The following MCTP1 variants were observed in gnomAD, a reference collection of about 807,000 sequenced individuals.
MCTP1 encodes the protein multiple C2 and transmembrane domain-containing protein 1.
A neutral mutation model predicts 120.6 loss-of-function variants in MCTP1; 69 were observed. The observed-to-expected ratio is 0.57, with a 90% CI of 0.47 to 0.70. MCTP1 has a LOEUF of 0.70. Ranked by LOEUF, MCTP1 falls within the 30% of genes least tolerant of loss-of-function variation. The probability of loss-of-function intolerance (pLI) is 0.00; values close to 1 mark genes in which losing one functional copy is unlikely to be tolerated. For synonymous variants in MCTP1, 529 were observed against 493.1 expected (o/e 1.07, Z -0.96); for missense variants, 1,203 against 1,248.8 (o/e 0.96, Z 0.55).
chr5:95,165,824 G>A (rs953515205), intron 1 of MCTP1, among the ~76,000 whole-genome samples: 7 of 152,008 alleles, frequency 4.6e-5, no homozygotes, highest in South Asian at 2.1e-4. Context: ...CTATGTTCTC[G>A]TCCTTCTTGG....
intron 18 of MCTP1, chr5:94,793,499 T>G (rs1228979360): frequency 3.3e-5 from 5 of 152,244 alleles, no homozygotes; most frequent in Admixed American, 3.3e-4. Context: ...TTACAGGCTG[T>G]ATGACTCAGT....
At chr5:95,116,560 T>A (rs185449256) in intron 1 of MCTP1, among the ~76,000 whole-genome samples, 4,951 of 151,514 alleles carry the variant, frequency 0.033, 120 homozygotes, top group Non-Finnish European at 0.052. Flanking sequence ...TTTTTTTTTT[T>A]AATTCTGTGA....
chr5:94,832,056 T>C (rs1005546782), intron 17 of MCTP1, among the ~76,000 whole-genome samples: 3 of 152,200 alleles, frequency 2.0e-5, no homozygotes, highest in Non-Finnish European at 4.4e-5. Context: ...CTGCTGATGC[T>C]TGATTAGGGT....
At chr5:94,989,051 T>C (rs888141834) in intron 2 of MCTP1, among the ~76,000 whole-genome samples, 3 of 152,160 alleles carry the variant, frequency 2.0e-5, no homozygotes, top group Admixed American at 6.6e-5. Flanking sequence ...GGTGGGGACA[T>C]AGCCAAACCA....
chr5:94,890,158 T>C (rs1216478316), intron 11 of MCTP1, among the ~76,000 whole-genome samples: 3 of 152,092 alleles, frequency 2.0e-5, no homozygotes, highest in African/African-American at 7.2e-5. Context: ...GCAACCATAC[T>C]TGGTTAACTT....
rs113496649 is a variant in MCTP1, at chr5:95,029,772, G to A, written c.721-12288C>T. 2.0e-3 allele frequency among the ~76,000 whole-genome samples: 312 copies of A among 152,310 alleles called. 2 individuals are homozygous for A. Among genetic ancestry groups the A allele is most frequent in the African/African-American group, 7.4e-3 (307 of 41,574 alleles). ...AGAGAACTTGGTGGCCGGTTTGCACGAGTATGGTTGCACTCCCCTCAGGTT... is the reference window on the plus strand; with the variant it reads ...AGAGAACTTGGTGGCCGGTTTGCACAAGTATGGTTGCACTCCCCTCAGGTT... On this transcript the variant is annotated intron_variant, in intron 1 of 22. Transcript: ENST00000515393.
chr5:95,184,537 G>A lies in MCTP1; in HGVS notation c.720+99319C>T, dbSNP rs574702212. Reference sequence around the variant, plus strand: ...CCCGGGTGTAGGGCAAACTAACTTTGGGAAGGATTCAGTTCATGGTTTAAC... The same window carrying A: ...CCCGGGTGTAGGGCAAACTAACTTTAGGAAGGATTCAGTTCATGGTTTAAC... On this transcript the variant is annotated intron_variant, in intron 1 of 22. Transcript: ENST00000515393. Among the ~76,000 whole-genome samples the A allele has an allele frequency of 2.5e-3, 375 of 152,228 alleles. 1 individual carries two copies. The highest frequency in any genetic ancestry group is 8.8e-3 in the African/African-American group (367 of 41,540).
At chr5:95,006,110 A>G (rs1834691791) in intron 2 of MCTP1, among the ~76,000 whole-genome samples, 1 of 152,186 alleles carries the variant, frequency 6.6e-6, no homozygotes, top group South Asian at 2.1e-4. Flanking sequence ...TGCAAACTCC[A>G]CACAGACAGT....
At chr5:94,820,452 A>AT (rs928796277) in intron 17 of MCTP1, among the ~76,000 whole-genome samples, 2 of 152,126 alleles carry the variant, frequency 1.3e-5, no homozygotes, top group Admixed American at 6.5e-5. Context: ...CTTCTTTAAC[A>AT]TTTTTTGCAG....
intron 8 of MCTP1, among the ~76,000 whole-genome samples, chr5:94,917,237 A>G (rs1810312351): frequency 1.3e-5 from 2 of 152,350 alleles, no homozygotes; most frequent in South Asian, 4.1e-4. Context: ...GTATCACTCA[A>G]TAAAATTTGC....
intron 19 of MCTP1, among the ~76,000 whole-genome samples, chr5:94,738,111 G>GT (rs1318353200): frequency 6.6e-6 from 1 of 152,354 alleles, no homozygotes; most frequent in East Asian, 1.9e-4. Context: ...ACTTAAAACA[G>GT]TATGTTCTGC....
At chr5:94,741,323 ATAAAAATGG>A (rs1433565224) in intron 19 of MCTP1, among the ~76,000 whole-genome samples, 1 of 152,256 alleles carries the variant, frequency 6.6e-6, no homozygotes, top group Admixed American at 6.5e-5. Flanking sequence ...AATAAGAAGT[ATAAAAATGG>A]AACACTCGTT....
chr5:95,133,077 A>G (rs1759170179), intron 1 of MCTP1, among the ~76,000 whole-genome samples: 1 of 152,218 alleles, frequency 6.6e-6, no homozygotes, highest in Non-Finnish European at 1.5e-5. Context: ...CCCTTTAAAG[A>G]AGTCCTGAGG....
chr5:95,036,118 G>C (rs1226809789), intron 1 of MCTP1, among the ~76,000 whole-genome samples: 2 of 152,122 alleles, frequency 1.3e-5, no homozygotes, highest in Non-Finnish European at 2.9e-5. Flanking sequence ...CTACCAGTGA[G>C]TAAAACAACT....
chr5:95,201,278 AC>A (rs1750980480), intron 1 of MCTP1, among the ~76,000 whole-genome samples: 1 of 152,032 alleles, frequency 6.6e-6, no homozygotes, highest in Non-Finnish European at 1.5e-5. Flanking sequence ...CTCAGATAAC[AC>A]TCAACACTGA....
rs372140057 is a variant in MCTP1 at position 95,201,245 on chromosome 5, T to C, written c.720+82611A>G. 4.6e-5 allele frequency among the ~76,000 whole-genome samples: 7 copies of C among 152,140 alleles called. 1 individual carries two copies. Among genetic ancestry groups the C allele is most frequent in the Admixed American group, 2.0e-4 (3 of 15,270 alleles). On this transcript the variant is annotated intron_variant, in intron 1 of 22. Transcript: ENST00000515393. ...TAGGACAAGCAACATCCACATATCA[T>C]AGGAGCTTGTTAGAAATGCAGTCTC... is the stretch of plus-strand genomic sequence containing the variant.
At chr5:95,095,506 G>A (rs554739075) in intron 1 of MCTP1, among the ~76,000 whole-genome samples, 371 of 152,298 alleles carry the variant, frequency 2.4e-3, no homozygotes, top group Middle Eastern at 6.8e-3. Context: ...AGGGTCAGAA[G>A]TCAATAGGGG....
intron 1 of MCTP1, among the ~76,000 whole-genome samples, chr5:95,072,081 CTGTGTGTG>C (rs56135843): frequency 8.3e-5 from 12 of 143,884 alleles, no homozygotes; most frequent in Middle Eastern, 7.0e-3. Flanking sequence ...GCCAATTTTC[CTGTGTGTG>C]TGTGTGTGTG....
intron 1 of MCTP1, among the ~76,000 whole-genome samples, chr5:95,202,484 T>C (rs1002474062): frequency 6.6e-6 from 1 of 152,220 alleles, no homozygotes; most frequent in African/African-American, 2.4e-5. Context: ...TCTTATCTAT[T>C]GATTGATTTA....
Sources: allele counts gnomAD v4.1 joint callset (sites outside exome capture counted in the v4.1 genomes callset), GRCh38; gene constraint gnomAD v4.1.1; transcripts MANE v1.5; gene names NCBI Gene and HGNC (gene_info 2026-07-23, HGNC 2026-07-21).